The following RANBP2 variants were observed in gnomAD, a reference collection of about 807,000 sequenced individuals.
RANBP2 encodes RAN binding protein 2.
A neutral mutation model predicts 303.6 loss-of-function variants in RANBP2; 57 were observed. The ratio of observed to expected loss-of-function variants is 0.19; its 90% CI spans 0.15 to 0.23. The LOEUF is 0.23. Among genes scored for constraint, RANBP2 ranks in the 10% least tolerant of loss-of-function variants. RANBP2 has a pLI of 1.00. For synonymous variants in RANBP2, 1,167 were observed against 1,301.5 expected (o/e 0.90, Z 2.23); for missense variants, 3,138 against 3,780.8 (o/e 0.83, Z 4.46).
the RANBP2 span, among the ~76,000 whole-genome samples, chr2:109,443,691 A>C: frequency 6.6e-6 from 1 of 152,346 alleles, no homozygotes; most frequent in African/African-American, 2.4e-5. Flanking sequence ...CAGTTCATTT[A>C]GAGGACATAA....
At chr2:109,637,951 C>A in the RANBP2 span, among the ~76,000 whole-genome samples, 1 of 152,122 alleles carries the variant, frequency 6.6e-6, no homozygotes, top group Non-Finnish European at 1.5e-5. Context: ...GAACAAGACT[C>A]CATCTCAAAA....
chr2:109,643,193 G>GA, the RANBP2 span, among the ~76,000 whole-genome samples: 107 of 133,962 alleles, frequency 8.0e-4, 1 homozygote, highest in Middle Eastern at 3.7e-3. Flanking sequence ...CTTTTCAAAA[G>GA]AAAAAAAAAA....
the RANBP2 span, among the ~76,000 whole-genome samples, chr2:109,596,355 C>T: frequency 9.9e-5 from 15 of 152,062 alleles, no homozygotes; most frequent in Non-Finnish European, 1.0e-4. Context: ...GTGTGGCTCA[C>T]GCCTGTAATT....
chr2:109,137,612 C>T, the RANBP2 span, among the ~76,000 whole-genome samples: 1 of 152,190 alleles, frequency 6.6e-6, no homozygotes, highest in Non-Finnish European at 1.5e-5. Flanking sequence ...ATCTAAGATA[C>T]ATTCATGGGT....
chr2:109,729,817 G>C, the RANBP2 span, among the ~76,000 whole-genome samples: 1 of 152,156 alleles, frequency 6.6e-6, no homozygotes, highest in South Asian at 2.1e-4. Context: ...CTGAGACTGG[G>C]TAATTTATAA....
chr2:108,745,456 A>G (rs1191789795), intron 7 of RANBP2, among the ~76,000 whole-genome samples: 1 of 148,066 alleles, frequency 6.8e-6, no homozygotes, highest in Non-Finnish European at 1.5e-5. Flanking sequence ...GGCTCTTGGT[A>G]CTTCCTTATA....
the RANBP2 span, among the ~76,000 whole-genome samples, chr2:108,801,011 T>C: frequency 5.4e-5 from 3 of 55,186 alleles, no homozygotes; most frequent in Admixed American, 2.3e-4. Context: ...CCACATTTTC[T>C]TAATCCAGTC....
At chr2:109,721,530 A>G in the RANBP2 span, among the ~76,000 whole-genome samples, 1 of 152,272 alleles carries the variant, frequency 6.6e-6, no homozygotes, top group African/African-American at 2.4e-5. Context: ...TTACTAGTCC[A>G]TTTAAGGCCC....
the RANBP2 span, among the ~76,000 whole-genome samples, chr2:109,555,179 G>A: frequency 6.6e-6 from 1 of 152,110 alleles, no homozygotes; most frequent in African/African-American, 2.4e-5. Context: ...CCACATTAAA[G>A]TTATGCTATC....
chr2:109,134,305 C>T, the RANBP2 span, among the ~76,000 whole-genome samples: 1 of 152,114 alleles, frequency 6.6e-6, no homozygotes, highest in Non-Finnish European at 1.5e-5. Flanking sequence ...GTGGTTCGGT[C>T]TTGGATATAA....
the RANBP2 span, among the ~76,000 whole-genome samples, chr2:109,426,033 G>T: frequency 2.3e-4 from 35 of 152,318 alleles, no homozygotes; most frequent in African/African-American, 7.0e-4. Flanking sequence ...CGGTAGCTGG[G>T]ATTACAGGCG....
the RANBP2 span, among the ~76,000 whole-genome samples, chr2:109,027,250 A>C: frequency 1.3e-5 from 2 of 148,314 alleles, no homozygotes; most frequent in African/African-American, 5.2e-5. Context: ...CTCAAAAAAA[A>C]AAAAAAAAAA....
At chr2:109,691,234 T>A in the RANBP2 span, among the ~76,000 whole-genome samples, 1 of 152,160 alleles carries the variant, frequency 6.6e-6, no homozygotes, top group East Asian at 1.9e-4. Context: ...CCAGGCCCCA[T>A]CAGCTGTGGA....
chr2:109,179,684 C>T, the RANBP2 span, among the ~76,000 whole-genome samples: 1 of 152,106 alleles, frequency 6.6e-6, no homozygotes, highest in Non-Finnish European at 1.5e-5. Context: ...TCTTCTAAAG[C>T]CACAAGTCCC....
chr2:109,449,393 C>G, the RANBP2 span: 1 of 1,612,818 alleles, frequency 6.2e-7, no homozygotes, highest in South Asian at 1.1e-5. Context: ...GTGCCGCAAA[C>G]CTCAACGGGG....
the RANBP2 span, among the ~76,000 whole-genome samples, chr2:109,062,701 A>G: frequency 6.6e-6 from 1 of 152,126 alleles, no homozygotes; most frequent in Non-Finnish European, 1.5e-5. Context: ...ATCCTCATGG[A>G]CAGTGCCCTC....
chr2:109,205,459 A>C, the RANBP2 span, among the ~76,000 whole-genome samples: 4 of 152,200 alleles, frequency 2.6e-5, no homozygotes, highest in Non-Finnish European at 5.9e-5. Context: ...CATGTTGGCC[A>C]GGCTGGTCTT....
chr2:108,965,243 C>T, the RANBP2 span, among the ~76,000 whole-genome samples: 5 of 152,086 alleles, frequency 3.3e-5, no homozygotes, highest in Admixed American at 6.5e-5. Context: ...TTTGGGAGGC[C>T]GAGGCAGGCG....
chr2:108,739,822 A>C (rs1695927928), intron 6 of RANBP2, among the ~76,000 whole-genome samples: 1 of 152,156 alleles, frequency 6.6e-6, no homozygotes, highest in Admixed American at 6.5e-5. Flanking sequence ...TGTCTCTACT[A>C]GAAATATAAA....
Sources: allele counts gnomAD v4.1 joint callset (sites outside exome capture counted in the v4.1 genomes callset), GRCh38; gene constraint gnomAD v4.1.1; transcripts MANE v1.5; gene names NCBI Gene and HGNC (gene_info 2026-07-23, HGNC 2026-07-21).